The following PKP4 variants were observed in gnomAD, a reference collection of about 807,000 sequenced individuals.
PKP4 encodes the protein plakophilin-4.
Under a neutral mutation model 145.1 loss-of-function variants are expected in PKP4, and 90 were observed. The ratio of observed to expected loss-of-function variants is 0.62; its 90% CI spans 0.52 to 0.74. The LOEUF (loss-of-function observed/expected upper bound fraction) is 0.74, where lower values mean the gene tolerates loss of function less well. Ranked by LOEUF, PKP4 falls within the 30% of genes least tolerant of loss-of-function variation. The probability of loss-of-function intolerance (pLI) is 0.00; values close to 1 mark genes in which losing one functional copy is unlikely to be tolerated. For synonymous variants in PKP4, 563 were observed against 577.2 expected, an observed-to-expected ratio of 0.98 and a Z score of 0.35; for missense variants, 1,340 against 1,482.7, an observed-to-expected ratio of 0.90 and a Z score of 1.58.
rs141833434 is a variant in PKP4 at position 158,616,977 on chromosome 2, T to G, written c.281-4013T>G. Among the ~76,000 whole-genome samples, 815 of 152,338 alleles carry G rather than the reference T, an allele frequency of 5.3e-3. 4 individuals carry two copies. Among genetic ancestry groups the G allele is most frequent in the African/African-American group, 0.017 (705 of 41,572 alleles). Reference sequence around the variant, plus strand: ...TATAAAAAAGATAAAATATCTCACTTTGTATTCCATCTTTTACCATGAGCT... The same window carrying G: ...TATAAAAAAGATAAAATATCTCACTGTGTATTCCATCTTTTACCATGAGCT... On this transcript the variant is annotated intron_variant, in intron 4 of 21. Coordinates refer to ENST00000389759, the MANE Select transcript of PKP4 (RefSeq NM_003628.6).
intron 11 of PKP4, among the ~76,000 whole-genome samples, chr2:158,650,272 C>T (rs2055234507): frequency 6.6e-6 from 1 of 152,186 alleles, no homozygotes; most frequent in Non-Finnish European, 1.5e-5. Context: ...GAATTGTAAG[C>T]TTATTTATTT....
At chr2:158,677,865 G>A (rs1037594201) in intron 20 of PKP4, among the ~76,000 whole-genome samples, 5 of 152,120 alleles carry the variant, frequency 3.3e-5, no homozygotes, top group Non-Finnish European at 5.9e-5. Context: ...TAGCATGCAT[G>A]CCCTTCTGTA....
chr2:158,647,278 A>G (rs2054921999), intron 11 of PKP4, among the ~76,000 whole-genome samples: 1 of 152,226 alleles, frequency 6.6e-6, no homozygotes. Context: ...ATTATAGTCA[A>G]CTTAGGATCA....
chr2:158,555,755 A>G (rs548243089), intron 2 of PKP4, among the ~76,000 whole-genome samples: 54 of 152,256 alleles, frequency 3.5e-4, no homozygotes, highest in African/African-American at 1.2e-3. Context: ...ATCATGATAT[A>G]ATTCGTAGGG....
intron 3 of PKP4, among the ~76,000 whole-genome samples, chr2:158,597,030 CTT>C (rs1424332078): frequency 3.9e-5 from 6 of 152,144 alleles, no homozygotes; most frequent in African/African-American, 1.4e-4. Context: ...TTGCTTCACA[CTT>C]TTGTTTGTGA....
chr2:158,598,585 G>A (rs1024220135), intron 3 of PKP4, among the ~76,000 whole-genome samples: 1 of 152,094 alleles, frequency 6.6e-6, no homozygotes, highest in African/African-American at 2.4e-5. Flanking sequence ...GGCTAACACG[G>A]TGAAACCCCG....
intron 1 of PKP4, among the ~76,000 whole-genome samples, chr2:158,517,489 T>C (rs570921036): frequency 1.4e-4 from 21 of 152,304 alleles, no homozygotes; most frequent in African/African-American, 4.8e-4. Context: ...TCTTGTGCCT[T>C]TTAGATTGTA....
chr2:158,467,549 CAAAAA>C (rs70994208), intron 1 of PKP4, among the ~76,000 whole-genome samples: 2 of 127,886 alleles, frequency 1.6e-5, no homozygotes, highest in Non-Finnish European at 3.2e-5. Context: ...GAGACCTTGT[CAAAAA>C]AAAAAAAAAA....
intron 1 of PKP4, among the ~76,000 whole-genome samples, chr2:158,509,901 C>G (rs568078587): frequency 2.5e-3 from 361 of 146,676 alleles, no homozygotes; most frequent in Non-Finnish European, 4.2e-3. Context: ...GAGCCGAGAT[C>G]ACACCACTGC....
intron 3 of PKP4, among the ~76,000 whole-genome samples, chr2:158,594,999 A>G (rs2049601145): frequency 1.3e-5 from 2 of 152,188 alleles, no homozygotes; most frequent in African/African-American, 4.8e-5. Flanking sequence ...TAGTGCAATG[A>G]TGAAGAGCTA....
chr2:158,541,656 A>G (rs2044532087), intron 2 of PKP4, among the ~76,000 whole-genome samples: 1 of 152,130 alleles, frequency 6.6e-6, no homozygotes, highest in Admixed American at 6.6e-5. Flanking sequence ...TAGAATTTCA[A>G]TCTCTGTGGC....
In PKP4 at chr2:158,533,193, TC is replaced by T; in HGVS notation, c.11del (p.Pro4LeufsTer35). On this transcript the variant is annotated frameshift_variant, in exon 2 of 22. Coordinates refer to ENST00000389759, the MANE Select transcript of PKP4 (RefSeq NM_003628.6). LOFTEE classifies it high-confidence loss of function. ...GCTTGATTGCAGGAGGAATGCCAGC[TC>T]CTGAGCAGGCCTCATTGGTGGAGGA... MPA[P>X]EQASLVEEGQ... The T allele has an allele frequency of 6.2e-7, 1 of 1,612,158 alleles. No individual in the cohort carries two copies. Among genetic ancestry groups the T allele is most frequent in the Non-Finnish European group, 8.5e-7 (1 of 1,179,496 alleles).
intron 1 of PKP4, among the ~76,000 whole-genome samples, chr2:158,510,239 C>T (rs1260202115): frequency 6.6e-6 from 1 of 152,182 alleles, no homozygotes; most frequent in African/African-American, 2.4e-5. Flanking sequence ...ATATATTAAA[C>T]ATTTTTCTGT....
At chr2:158,565,668 T>C (rs747587645) in intron 2 of PKP4, among the ~76,000 whole-genome samples, 3 of 152,118 alleles carry the variant, frequency 2.0e-5, no homozygotes, top group Non-Finnish European at 4.4e-5. Context: ...AGAGCACTTG[T>C]GGACCCAAAG....
intron 2 of PKP4, among the ~76,000 whole-genome samples, chr2:158,557,762 A>T (rs182033064): frequency 6.6e-6 from 1 of 152,332 alleles, no homozygotes; most frequent in East Asian, 1.9e-4. Flanking sequence ...AGAATGAGAG[A>T]TGGAACAGGA....
chr2:158,635,469 G>A (rs1165074661), intron 9 of PKP4, among the ~76,000 whole-genome samples: 3 of 152,054 alleles, frequency 2.0e-5, no homozygotes, highest in African/African-American at 7.2e-5. Flanking sequence ...AAGACCTAAG[G>A]CACCCAAATA....
intron 2 of PKP4, among the ~76,000 whole-genome samples, chr2:158,538,307 C>G (rs779601063): frequency 2.0e-5 from 3 of 152,056 alleles, no homozygotes; most frequent in Non-Finnish European, 2.9e-5. Flanking sequence ...TATAATGATT[C>G]CAATATGATC....
Position 158,656,896 on chromosome 2 carries a change from T to G in PKP4, c.1910-1235T>G, listed in dbSNP as rs546230434. ...GGGCACCCAGAGAAGGCTGAGCAGGTGGTGTCCAGGCTGGCTTCTTGGGCC... is the reference window on the plus strand; with the variant it reads ...GGGCACCCAGAGAAGGCTGAGCAGGGGGTGTCCAGGCTGGCTTCTTGGGCC... On this transcript the variant is annotated intron_variant, in intron 11 of 21. Transcript: ENST00000389759. Among the ~76,000 whole-genome samples the G allele has an allele frequency of 1.1e-4, 16 of 152,288 alleles. No homozygotes were observed. In the East Asian group the frequency reaches 3.1e-3, roughly 29 times the overall value.
chr2:158,515,134 T>G (rs986776173), intron 1 of PKP4, among the ~76,000 whole-genome samples: 1 of 152,190 alleles, frequency 6.6e-6, no homozygotes, highest in Non-Finnish European at 1.5e-5. Context: ...TTAGGCTAAT[T>G]GTTGTATAAC....
Sources: gnomAD v4.1 joint callset for allele counts (sites outside exome capture counted in the v4.1 genomes callset) on GRCh38, gnomAD v4.1.1 for gene constraint, MANE v1.5 for transcripts, NCBI Gene and HGNC (gene_info 2026-07-23, HGNC 2026-07-21) for gene names.